Variants in CNTLN observed in about 807,000 individuals in gnomAD.
The protein encoded by CNTLN is centlein.
CNTLN carries 212 observed loss-of-function variants against 180.0 expected under a neutral mutation model. The observed-to-expected ratio is 1.18, with a 90% confidence interval of 1.05 to 1.32. CNTLN has a LOEUF of 1.32. Ranked by LOEUF, CNTLN falls within the 40% of genes most tolerant of loss-of-function variation. The pLI, the probability that CNTLN is intolerant of heterozygous loss-of-function variation, is 0.00. For missense variants in CNTLN, 2,095 were observed against 1,610.9 expected (o/e 1.30, Z -5.14); for synonymous variants, 722 against 563.1 (o/e 1.28, Z -3.99).
chr9:17,333,515 G>A (rs1820783050), intron 10 of CNTLN, among the ~76,000 whole-genome samples: 1 of 152,082 alleles, frequency 6.6e-6, no homozygotes, highest in African/African-American at 2.4e-5. Flanking sequence ...CAGTACACAT[G>A]AAGCTCAGAT....
intron 2 of CNTLN, among the ~76,000 whole-genome samples, chr9:17,169,200 G>C (rs1820274360): frequency 6.6e-6 from 1 of 152,132 alleles, no homozygotes; most frequent in South Asian, 2.1e-4. Context: ...GGGTCTTGCT[G>C]TTTTGCCAGG....
At chr9:17,290,505 G>T (rs531697293) in intron 6 of CNTLN, among the ~76,000 whole-genome samples, 2 of 145,994 alleles carry the variant, frequency 1.4e-5, no homozygotes, top group East Asian at 4.0e-4. Context: ...TACAGAGGCA[G>T]GCAGGCCTCC....
chr9:17,166,133 G>T (rs1398858345), intron 2 of CNTLN, among the ~76,000 whole-genome samples: 1 of 151,920 alleles, frequency 6.6e-6, no homozygotes, highest in Non-Finnish European at 1.5e-5. Flanking sequence ...TAAAACAAAG[G>T]AAAAAACTCC....
At chr9:17,513,806 A>C in the CNTLN span, among the ~76,000 whole-genome samples, 1 of 152,218 alleles carries the variant, frequency 6.6e-6, no homozygotes, top group Admixed American at 6.5e-5. Flanking sequence ...CAACTGAAAA[A>C]AAGATATAAC....
chr9:17,160,927 C>A (rs530303276), intron 2 of CNTLN, among the ~76,000 whole-genome samples: 2 of 152,002 alleles, frequency 1.3e-5, no homozygotes, highest in South Asian at 4.2e-4. Context: ...ATTGTCAGAC[C>A]CTCTGAAAAA....
chr9:17,184,639 A>G (rs16935395), intron 2 of CNTLN, among the ~76,000 whole-genome samples: 4,055 of 152,280 alleles, frequency 0.027, 128 homozygotes, highest in African/African-American at 0.077. Flanking sequence ...TGCCATTGCC[A>G]TTGTGAATTG....
chr9:17,496,758 A>T (rs960723934), intron 25 of CNTLN, among the ~76,000 whole-genome samples: 84 of 152,276 alleles, frequency 5.5e-4, no homozygotes, highest in Middle Eastern at 3.4e-3. Flanking sequence ...TTAACAGTGG[A>T]CTGTAGACTC....
intron 6 of CNTLN, among the ~76,000 whole-genome samples, chr9:17,279,522 A>G (rs1366082351): frequency 6.6e-6 from 1 of 152,102 alleles, no homozygotes; most frequent in Non-Finnish European, 1.5e-5. Context: ...CCAGGAGAAC[A>G]GCCTATTTCC....
chr9:17,189,736 T>G (rs1281066349), intron 2 of CNTLN, among the ~76,000 whole-genome samples: 1 of 151,928 alleles, frequency 6.6e-6, no homozygotes, highest in East Asian at 1.9e-4. Flanking sequence ...GGTCTCCTGC[T>G]TCAGCCTCCC....
rs185506141 is a variant in CNTLN, at chr9:17,284,957, C to T, written c.983+11091C>T. On this transcript the variant is annotated intron_variant, in intron 6 of 25. Coordinates refer to ENST00000380647, the MANE Select transcript of CNTLN (RefSeq NM_017738.4). ...ATCCCAGAGACTCTGTGTGTTGTCT[C>T]TTTGTTATCATTGGTTTCAAAGAAC... Among the ~76,000 whole-genome samples the T allele has an allele frequency of 2.6e-3, 396 of 150,536 alleles. 5 individuals are homozygous for T. The highest frequency in any genetic ancestry group is 9.2e-3 in the African/African-American group (379 of 40,974).
intron 2 of CNTLN, among the ~76,000 whole-genome samples, chr9:17,173,311 A>G (rs1230254803): frequency 6.6e-6 from 1 of 152,216 alleles, no homozygotes; most frequent in Non-Finnish European, 1.5e-5. Context: ...CTTAATCACC[A>G]GTGTTATGAA....
At chr9:17,362,320 A>G (rs1457445298) in intron 12 of CNTLN, among the ~76,000 whole-genome samples, 1 of 152,054 alleles carries the variant, frequency 6.6e-6, no homozygotes, top group Non-Finnish European at 1.5e-5. Flanking sequence ...ACCTAATCCA[A>G]GCTTAATCAT....
chr9:17,332,211 G>T (rs2133123858), intron 9 of CNTLN, among the ~76,000 whole-genome samples: 1 of 151,372 alleles, frequency 6.6e-6, no homozygotes, highest in Admixed American at 6.6e-5. Context: ...TATTTCAAAG[G>T]GAAAAAAATC....
At position 17,151,693 on chromosome 9, in the gene CNTLN, G is replaced by T. The variant is rs535824630; in HGVS notation, c.449+8317G>T. Among the ~76,000 whole-genome samples the T allele has an allele frequency of 9.1e-4, 138 of 152,258 alleles. No homozygotes were observed. The Middle Eastern group carries it at 0.024, about 26-fold the overall frequency. Reference sequence around the variant, plus strand: ...GCCTCATAAAATGAGTTAGGGAGGAGTCCCTCTTTTTCTGTTGTTTGGAAT... The same window carrying T: ...GCCTCATAAAATGAGTTAGGGAGGATTCCCTCTTTTTCTGTTGTTTGGAAT... On this transcript the variant is annotated intron_variant, in intron 2 of 25. Transcript: ENST00000380647.
At chr9:17,487,350 C>G (rs531396228) in intron 25 of CNTLN, among the ~76,000 whole-genome samples, 4 of 152,114 alleles carry the variant, frequency 2.6e-5, no homozygotes, top group Non-Finnish European at 5.9e-5. Flanking sequence ...AGGATCCATT[C>G]TCCCAGACCT....
chr9:17,494,277 A>G (rs1833326087), intron 25 of CNTLN, among the ~76,000 whole-genome samples: 1 of 152,230 alleles, frequency 6.6e-6, no homozygotes, highest in African/African-American at 2.4e-5. Context: ...GAGTAAATAC[A>G]GTCATCACTG....
chr9:17,404,969 G>A (rs563131075), intron 15 of CNTLN, among the ~76,000 whole-genome samples: 11 of 151,540 alleles, frequency 7.3e-5, no homozygotes, highest in East Asian at 3.9e-4. Flanking sequence ...AACTCCTGAC[G>A]TCAGGCAGTC....
intron 18 of CNTLN, among the ~76,000 whole-genome samples, chr9:17,428,155 G>A (rs80108296): frequency 0.011 from 1,693 of 152,210 alleles, 32 homozygotes; most frequent in African/African-American, 0.039. Flanking sequence ...AGGATGAGAG[G>A]TAGTGTAACA....
intron 6 of CNTLN, among the ~76,000 whole-genome samples, chr9:17,282,922 T>C (rs1431558937): frequency 2.0e-5 from 3 of 152,250 alleles, no homozygotes; most frequent in Admixed American, 6.5e-5. Flanking sequence ...ATTTCTGAGA[T>C]CTCTGTTCTG....
Sources: gnomAD v4.1 joint callset for allele counts (sites outside exome capture counted in the v4.1 genomes callset) on GRCh38, gnomAD v4.1.1 for gene constraint, MANE v1.5 for transcripts, NCBI Gene and HGNC (gene_info 2026-07-23, HGNC 2026-07-21) for gene names.